Variants in FRS3 observed in about 807,000 individuals in gnomAD.
FRS3 encodes the protein fibroblast growth factor receptor substrate 3, also known as FGFR substrate 3.
A neutral mutation model predicts 41.9 loss-of-function variants in FRS3; 17 were observed. The ratio of observed to expected loss-of-function variants is 0.41; its 90% confidence interval spans 0.28 to 0.61. The LOEUF is 0.61. Among genes scored for constraint, FRS3 ranks in the 20% least tolerant of loss-of-function variants. The pLI is 0.36. For synonymous variants in FRS3, 287 were observed against 274.5 expected (o/e 1.05, Z -0.45); for missense variants, 619 against 672.1 (o/e 0.92, Z 0.87).
chr6:41,774,520 G>A (rs973574203), intron 4 of FRS3, among the ~76,000 whole-genome samples: 1 of 152,218 alleles, frequency 6.6e-6, no homozygotes, highest in Non-Finnish European at 1.5e-5. Context: ...AACATGGCAA[G>A]GCAATCACAA....
rs1406268086 is a variant in FRS3, at chr6:41,770,416, C to T, written c.*203G>A. 2 of 605,694 alleles carry T rather than the reference C, an allele frequency of 3.3e-6. No homozygotes were observed. Among genetic ancestry groups the T allele is most frequent in the Non-Finnish European group, 5.9e-6 (2 of 341,710 alleles). 37.5% of individuals were successfully genotyped at this position (605,694 alleles called of 1,614,324 possible). A position where few individuals can be genotyped will look rare whatever the true frequency, so the allele number is the denominator to read the frequency against. ...GCTCCCTCCTCGCCTGGTCACCCTTCTCTCCCCAGCCTGGAGACAGACCAG... is the reference window on the plus strand; with the variant it reads ...GCTCCCTCCTCGCCTGGTCACCCTTTTCTCCCCAGCCTGGAGACAGACCAG... On this transcript the variant is annotated 3_prime_UTR_variant, in exon 7 of 7. Transcript: ENST00000373018.
At chr6:41,772,698 T>C in intron 5 of FRS3, 100 bp downstream of exon 5, 1 of 1,379,828 alleles carries the variant, frequency 7.2e-7, no homozygotes, top group Non-Finnish European at 9.8e-7. Flanking sequence ...CCCAGCCTTC[T>C]CCCAACCAGC....
Position 41,770,473 on chromosome 6 carries a change from C to T in FRS3, c.*146G>A. 1.4e-6 allele frequency: 1 copy of T among 717,170 alleles called. No homozygotes were observed. Among genetic ancestry groups the T allele is most frequent in the South Asian group, 1.8e-5 (1 of 54,982 alleles). 44.4% of individuals were successfully genotyped at this position (717,170 alleles called of 1,614,324 possible). A position where few individuals can be genotyped will look rare whatever the true frequency, so the allele number is the denominator to read the frequency against. On this transcript the variant is annotated 3_prime_UTR_variant, in exon 7 of 7. Coordinates refer to ENST00000373018, the MANE Select transcript of FRS3 (RefSeq NM_006653.5). ...CGGTGGCTGATATCTCTGGGGACTCCAGCCAGCACAGGGAAGCATCTGGTC... is the reference window on the plus strand; with the variant it reads ...CGGTGGCTGATATCTCTGGGGACTCTAGCCAGCACAGGGAAGCATCTGGTC...
Position 41,770,959 on chromosome 6 carries a change from A to C in FRS3, c.1139T>G (p.Ile380Ser). Residue 380 changes from isoleucine (I) to serine (S), a missense_variant, in exon 7 of 7, where the codon ATC becomes AGC. Physicochemically the swap from Ile to Ser is moderately radical, Grantham distance 142. This residue lies in a region of FRS3 where 487 missense variants were observed against 478.3 expected (regional missense o/e 1.02). Transcript: ENST00000373018. ...CACAGGAAAGCTGCCGTGGCTGCGGATGGCGGCCCGGGTGCTGGTGGGCTT... is the reference window on the plus strand; with the variant it reads ...CACAGGAAAGCTGCCGTGGCTGCGGCTGGCGGCCCGGGTGCTGGTGGGCTT... ...LQKPTSTRAA[I>S]RSHGSFPVPL... 1 of 1,612,898 alleles carries C rather than the reference A, an allele frequency of 6.2e-7. No individual in the cohort carries two copies. Among genetic ancestry groups the C allele is most frequent in the Non-Finnish European group, 8.5e-7 (1 of 1,179,920 alleles).
chr6:41,779,222 T>C (rs1027844272), intron 1 of FRS3, among the ~76,000 whole-genome samples: 2 of 151,922 alleles, frequency 1.3e-5, no homozygotes, highest in African/African-American at 2.4e-5. Flanking sequence ...ATGTATCAGA[T>C]AGCCCACTGA....
Position 41,776,911 on chromosome 6 carries a change from G to T in FRS3, c.66+11C>A. The stretch of plus-strand genomic sequence containing the variant: ...TGTTGGGAACACAGGAGAGGAGAGG[G>T]CTCTGGGTACCTTGAACTTGGTGGG... On this transcript the variant is annotated intron_variant, in intron 3 of 6. Transcript: ENST00000373018. The T allele has an allele frequency of 2.5e-6, 4 of 1,609,778 alleles. No homozygotes were observed. The highest frequency in any genetic ancestry group is 2.6e-6 in the Non-Finnish European group (3 of 1,175,990).
At position 41,775,456 on chromosome 6, in the gene FRS3, G is replaced by C. The variant is rs1343055022; in HGVS notation, c.216C>G (p.Phe72Leu). Residue 72 changes from phenylalanine (F) to leucine (L), a missense_variant, in exon 4 of 7, where the codon TTC becomes TTG. Around this residue, in one of 3 missense-constraint regions of FRS3, gnomAD observed 100 missense variants for 138.1 expected, o/e 0.72. Transcript: ENST00000373018. ...GACATCGGCGGCCACTCTCAAAGGA[G>C]AAGAGGTTGGAGTCGTAGCCATAGC... ...LRRYGYDSNL[F>L]SFESGRRCQT... 1 of 1,613,454 alleles carries C rather than the reference G, an allele frequency of 6.2e-7. No homozygotes were observed. Among genetic ancestry groups the C allele is most frequent in the Non-Finnish European group, 8.5e-7 (1 of 1,179,986 alleles).
intron 4 of FRS3, 51 bp from the exon 5 acceptor site, chr6:41,773,010 G>T (rs1272552355): frequency 6.8e-7 from 1 of 1,479,784 alleles, no homozygotes; most frequent in Non-Finnish European, 9.4e-7. Flanking sequence ...AGGACCAGAG[G>T]AGCTCAACAG....
chr6:41,775,364 C>G (rs1019134178), intron 4 of FRS3, 55 bp downstream of exon 4: 19 of 1,428,350 alleles, frequency 1.3e-5, no homozygotes, highest in Middle Eastern at 2.0e-4. Flanking sequence ...ACATTAGGAA[C>G]CCTGGAGTAC....
intron 1 of FRS3, among the ~76,000 whole-genome samples, chr6:41,778,549 C>T (rs1479570135): frequency 6.6e-6 from 1 of 152,136 alleles, no homozygotes; most frequent in African/African-American, 2.4e-5. Context: ...GTAGAGACAG[C>T]ACTGGTTTAA....
chr6:41,774,373 ACTCTGTTC>A (rs772570303), intron 4 of FRS3, among the ~76,000 whole-genome samples: 39 of 152,168 alleles, frequency 2.6e-4, no homozygotes, highest in Admixed American at 1.6e-3. Flanking sequence ...AAGAGGGTCT[ACTCTGTTC>A]CCTGCTTCTT....
intron 1 of FRS3, among the ~76,000 whole-genome samples, chr6:41,779,295 G>A (rs1185217096): frequency 6.6e-6 from 1 of 152,062 alleles, no homozygotes; most frequent in African/African-American, 2.4e-5. Flanking sequence ...ATGGATCAGG[G>A]GCAGGAGTGA....
chr6:41,773,861 G>T (rs1048696926), intron 4 of FRS3, among the ~76,000 whole-genome samples: 3 of 150,802 alleles, frequency 2.0e-5, no homozygotes, highest in African/African-American at 7.3e-5. Flanking sequence ...GACAGAGCGA[G>T]ACTCTGTCTC....
chr6:41,772,640 C>T (rs148699470), intron 5 of FRS3, among the ~76,000 whole-genome samples, 158 bp downstream of exon 5: 21 of 152,326 alleles, frequency 1.4e-4, no homozygotes, highest in Non-Finnish European at 2.6e-4. Flanking sequence ...CTTACCGATC[C>T]TCAAGAATGG....
chr6:41,779,467 G>C (rs2127302448), intron 1 of FRS3, among the ~76,000 whole-genome samples: 1 of 152,118 alleles, frequency 6.6e-6, no homozygotes, highest in East Asian at 1.9e-4. Context: ...GAGAAATGGT[G>C]GGTCCGTGGG....
chr6:41,771,150 C>G lies in FRS3; in HGVS notation c.948G>C (p.Arg316=). The G allele has an allele frequency of 6.4e-7, 1 of 1,557,710 alleles. No homozygotes were observed. The highest frequency in any genetic ancestry group is 8.7e-7 in the Non-Finnish European group (1 of 1,148,888). Residue 316 remains arginine (R), a synonymous_variant, in exon 7 of 7, where the codon CGG becomes CGC. Transcript: ENST00000373018. The part of the protein sequence containing the change: ...EPGWNGLAHR[R]AALLHYENLP... Reference sequence around the variant, plus strand: ...GGTTCTCATAGTGCAGCAGGGCGGCCCGGCGGTGGGCAAGGCCATTCCAGC... The same window carrying G: ...GGTTCTCATAGTGCAGCAGGGCGGCGCGGCGGTGGGCAAGGCCATTCCAGC...
intron 1 of FRS3, among the ~76,000 whole-genome samples, chr6:41,778,529 CTG>C (rs1344702757): frequency 2.6e-5 from 4 of 152,198 alleles, no homozygotes; most frequent in Admixed American, 2.0e-4. Context: ...CAAAAGGACA[CTG>C]TGATATAGTA....
chr6:41,777,272 G>A (rs879360509), intron 2 of FRS3, among the ~76,000 whole-genome samples: 3 of 152,206 alleles, frequency 2.0e-5, no homozygotes, highest in Non-Finnish European at 4.4e-5. Context: ...ATTTGATCTG[G>A]ACCTTGAGAA....
intron 1 of FRS3, among the ~76,000 whole-genome samples, chr6:41,779,580 G>C (rs1554141265): frequency 6.6e-6 from 1 of 151,954 alleles, no homozygotes; most frequent in Non-Finnish European, 1.5e-5. Context: ...GGGGGAGCCA[G>C]AGGCTGCAGG....
Sources: gnomAD v4.1 joint callset for allele counts (sites outside exome capture counted in the v4.1 genomes callset) on GRCh38, gnomAD v4.1.1 for gene constraint, gnomAD v4.1.1 regional missense constraint, MANE v1.5 for transcripts, NCBI Gene and HGNC (gene_info 2026-07-23, HGNC 2026-07-21) for gene names.